Variants in TESC observed in about 807,000 individuals in gnomAD.
TESC encodes tescalcin.
Under a neutral mutation model 31.0 loss-of-function variants are expected in TESC, and 19 were observed. That is an observed-to-expected ratio of 0.61 (90% CI 0.43 to 0.90). TESC has a LOEUF of 0.90. Among genes scored for constraint, TESC ranks in the 40% least tolerant of loss-of-function variants. The pLI, the probability that TESC is intolerant of heterozygous loss-of-function variation, is 0.00. For missense variants in TESC, 248 were observed against 303.8 expected, an observed-to-expected ratio of 0.82 and a Z score of 1.36; for synonymous variants, 109 against 114.8, an observed-to-expected ratio of 0.95 and a Z score of 0.32.
chr12:117,055,989 C>T (rs1012438827), intron 3 of TESC, among the ~76,000 whole-genome samples: 3 of 147,034 alleles, frequency 2.0e-5, no homozygotes, highest in East Asian at 4.1e-4. Flanking sequence ...GGCATAATCT[C>T]GGCTCACTGC....
chr12:117,084,859 C>A (rs557371929), intron 1 of TESC, among the ~76,000 whole-genome samples: 1 of 152,336 alleles, frequency 6.6e-6, no homozygotes, highest in African/African-American at 2.4e-5. Flanking sequence ...CCCCTGCTGG[C>A]CCCCAGGAGT....
intron 2 of TESC, among the ~76,000 whole-genome samples, chr12:117,069,103 T>C (rs1041709632): frequency 6.6e-6 from 1 of 152,014 alleles, no homozygotes; most frequent in Non-Finnish European, 1.5e-5. Context: ...AATTCCTTTT[T>C]TTTTTTTCTT....
rs2135789987 is a variant in TESC, at chr12:117,078,900, C to T, written c.59-3560G>A. On this transcript the variant is annotated intron_variant, in intron 1 of 7. Transcript: ENST00000335209. ...CTACAACATGATCCCATCTGGATGG[C>T]TGAGGGATCTCATAAATACTGCTAT... Among the ~76,000 whole-genome samples, 2 of 152,312 alleles carry T rather than the reference C, an allele frequency of 1.3e-5. 1 individual carries two copies. The highest frequency in any genetic ancestry group is 4.1e-4 in the South Asian group (2 of 4,826).
intron 1 of TESC, among the ~76,000 whole-genome samples, chr12:117,082,790 C>T (rs1955166355): frequency 6.6e-6 from 1 of 152,168 alleles, no homozygotes; most frequent in Non-Finnish European, 1.5e-5. Context: ...GGTAGAATTA[C>T]AGAACATTTT....
At chr12:117,059,260 G>A (rs538138430) in intron 2 of TESC, among the ~76,000 whole-genome samples, 3 of 152,300 alleles carry the variant, frequency 2.0e-5, no homozygotes, top group Non-Finnish European at 2.9e-5. Flanking sequence ...CCTGCCTTAC[G>A]CATTGGAGGG....
At chr12:117,046,305 G>A (rs150372745) in intron 6 of TESC, among the ~76,000 whole-genome samples, 2,104 of 152,294 alleles carry the variant, frequency 0.014, 28 homozygotes, top group South Asian at 0.038. Flanking sequence ...AGGGGGCTAT[G>A]CAGGTGGGGG....
In TESC at chr12:117,089,087, G is replaced by A. The variant is rs1955264490; in HGVS notation, c.58+10138C>T. On this transcript the variant is annotated intron_variant, in intron 1 of 7. Coordinates refer to ENST00000335209, the MANE Select transcript of TESC (RefSeq NM_017899.4). Reference sequence around the variant, plus strand: ...GGGTCAGAAAAAACGTTCCCCACTGGCCCAGAGAATAATAAGACAGCCATC... The same window carrying A: ...GGGTCAGAAAAAACGTTCCCCACTGACCCAGAGAATAATAAGACAGCCATC... Among the ~76,000 whole-genome samples, 4 of 152,152 alleles carry A rather than the reference G, an allele frequency of 2.6e-5. No individual in the cohort carries two copies. In the South Asian group the frequency reaches 8.3e-4, roughly 32 times the overall value.
intron 2 of TESC, among the ~76,000 whole-genome samples, chr12:117,073,646 C>T (rs898678360): frequency 6.6e-6 from 1 of 152,162 alleles, no homozygotes; most frequent in Non-Finnish European, 1.5e-5. Context: ...TTCAAAGTTC[C>T]AACAAGCTGT....
Position 117,039,060 on chromosome 12 carries a change from C to T in TESC, c.*73G>A. ...CTGCAGGAAGAGGCTGTCCGCCGGGCCTGGGCTGCTCCAGCTACGCGGGGA... is the reference window on the plus strand; with the variant it reads ...CTGCAGGAAGAGGCTGTCCGCCGGGTCTGGGCTGCTCCAGCTACGCGGGGA... On this transcript the variant is annotated 3_prime_UTR_variant, in exon 8 of 8. Transcript: ENST00000335209. 1 of 1,547,536 alleles carries T rather than the reference C, an allele frequency of 6.5e-7. No homozygotes were observed. The highest frequency in any genetic ancestry group is 1.2e-5 in the South Asian group (1 of 85,736).
chr12:117,065,461 G>A (rs1954863958), intron 2 of TESC, among the ~76,000 whole-genome samples: 1 of 152,194 alleles, frequency 6.6e-6, no homozygotes, highest in Non-Finnish European at 1.5e-5. Context: ...AGGAACGGGG[G>A]ACCTCTGGGA....
intron 1 of TESC, among the ~76,000 whole-genome samples, chr12:117,095,648 G>C (rs1034203755): frequency 5.3e-5 from 8 of 152,180 alleles, no homozygotes; most frequent in Non-Finnish European, 7.3e-5. Flanking sequence ...AGAGGCTGAA[G>C]TGGGAGGATC....
At chr12:117,055,134 T>C (rs572064888) in intron 3 of TESC, among the ~76,000 whole-genome samples, 1 of 152,318 alleles carries the variant, frequency 6.6e-6, no homozygotes, top group South Asian at 2.1e-4. Context: ...GCAAGTGCTA[T>C]GATTATCTCC....
At chr12:117,050,400 C>T (rs1242763579) in intron 3 of TESC, among the ~76,000 whole-genome samples, 3 of 152,242 alleles carry the variant, frequency 2.0e-5, no homozygotes, top group Admixed American at 2.0e-4. Flanking sequence ...TGGCTGCAAG[C>T]ATCTCTAAGT....
chr12:117,078,629 A>G (rs1016405519), intron 1 of TESC, among the ~76,000 whole-genome samples: 2 of 152,196 alleles, frequency 1.3e-5, no homozygotes, highest in Non-Finnish European at 1.5e-5. Context: ...TACATTCCAC[A>G]TATACTGCCT....
At chr12:117,069,354 T>A (rs1399592561) in intron 2 of TESC, among the ~76,000 whole-genome samples, 1 of 152,172 alleles carries the variant, frequency 6.6e-6, no homozygotes, top group Non-Finnish European at 1.5e-5. Flanking sequence ...ATTCTCCTGC[T>A]CAGCCTCCCG....
intron 2 of TESC, among the ~76,000 whole-genome samples, chr12:117,070,460 G>A (rs543309880): frequency 7.9e-5 from 12 of 152,258 alleles, no homozygotes; most frequent in South Asian, 2.1e-4. Flanking sequence ...CAGCTGACAC[G>A]AACCTCGAAG....
chr12:117,042,509 G>C (rs773374810), intron 6 of TESC, among the ~76,000 whole-genome samples: 2 of 152,218 alleles, frequency 1.3e-5, no homozygotes, highest in Non-Finnish European at 2.9e-5. Flanking sequence ...GGAAACACAG[G>C]GCCAGCCTGT....
chr12:117,082,569 C>T (rs1283432898), intron 1 of TESC, among the ~76,000 whole-genome samples: 1 of 151,330 alleles, frequency 6.6e-6, no homozygotes, highest in Non-Finnish European at 1.5e-5. Flanking sequence ...AGTCCTGGTA[C>T]ATCCTGAAGT....
At chr12:117,040,079 G>A (rs558531327) in intron 7 of TESC, among the ~76,000 whole-genome samples, 194 of 152,356 alleles carry the variant, frequency 1.3e-3, no homozygotes, top group South Asian at 2.5e-3. Context: ...CAGCATCTCC[G>A]GGGACAGCCA....
Sources: gnomAD v4.1 joint callset for allele counts (sites outside exome capture counted in the v4.1 genomes callset) on GRCh38, gnomAD v4.1.1 for gene constraint, MANE v1.5 for transcripts, NCBI Gene and HGNC (gene_info 2026-07-23, HGNC 2026-07-21) for gene names.